The following XKR7 variants were observed in gnomAD, a reference collection of about 807,000 sequenced individuals.
XKR7 encodes XK related 7, also known as XK-related protein 7.
XKR7 carries 11 observed loss-of-function variants against 42.2 expected under a neutral mutation model. The observed-to-expected ratio is 0.26, with a 90% CI of 0.16 to 0.43. XKR7 has a LOEUF of 0.43. Among genes scored for constraint, XKR7 ranks in the 20% least tolerant of loss-of-function variants. XKR7 has a pLI of 1.00. For synonymous variants in XKR7, 346 were observed against 366.4 expected, an observed-to-expected ratio of 0.94 and a Z score of 0.64; for missense variants, 710 against 802.2, an observed-to-expected ratio of 0.89 and a Z score of 1.39.
chr20:31,994,358 C>G (rs913799882), intron 1 of XKR7, among the ~76,000 whole-genome samples: 1 of 152,162 alleles, frequency 6.6e-6, no homozygotes, highest in South Asian at 2.1e-4. Flanking sequence ...TCTACTGCTT[C>G]CTAGCTGTGT....
At chr20:31,992,628 C>G (rs2064574876) in intron 1 of XKR7, among the ~76,000 whole-genome samples, 1 of 152,180 alleles carries the variant, frequency 6.6e-6, no homozygotes, top group Admixed American at 6.5e-5. Context: ...GAACAGCCCC[C>G]TTACCCATCC....
rs73903698 is a variant in XKR7 at position 31,997,700 on chromosome 20, C to T, written c.*243C>T. ...TCCCCTGACCCAGGGCCTGGGGAATCATCTGGTGCTACACTTTTCGAGCTG... is the reference window on the plus strand; with the variant it reads ...TCCCCTGACCCAGGGCCTGGGGAATTATCTGGTGCTACACTTTTCGAGCTG... On this transcript the variant is annotated 3_prime_UTR_variant, in exon 3 of 3. Coordinates refer to ENST00000562532, the MANE Select transcript of XKR7 (RefSeq NM_001011718.2). The T allele has an allele frequency of 9.3e-3, 4,994 of 534,786 alleles. 185 individuals carry two copies. The highest frequency in any genetic ancestry group is 0.083 in the African/African-American group (4,407 of 52,900). The allele number at this position is 534,786 out of a possible 1,614,324, so 33.1% of individuals were successfully genotyped here.
intron 1 of XKR7, among the ~76,000 whole-genome samples, chr20:31,981,129 G>A (rs539055981): frequency 1.3e-5 from 2 of 151,052 alleles, no homozygotes; most frequent in East Asian, 2.0e-4. Context: ...ACTTTGGGAG[G>A]CACAGGGAGG....
chr20:31,997,316 G>C lies in XKR7; in HGVS notation c.1599G>C (p.Pro533=), dbSNP rs774199926. 1 of 1,610,738 alleles carries C rather than the reference G, an allele frequency of 6.2e-7. No individual in the cohort carries two copies. Among genetic ancestry groups the C allele is most frequent in the Non-Finnish European group, 8.5e-7 (1 of 1,180,004 alleles). Residue 533 remains proline (P), a synonymous_variant, in exon 3 of 3, where the codon CCG becomes CCC. Coordinates refer to ENST00000562532, the MANE Select transcript of XKR7 (RefSeq NM_001011718.2). ...TTGACTTGCCTCGCAAGAAGTACCC[G>C]GCCTGGGATGCTCATTTTATTGACC... ...IRIDLPRKKY[P]AWDAHFIDRR... is the part of the protein sequence containing the mutation.
intron 1 of XKR7, among the ~76,000 whole-genome samples, chr20:31,994,074 G>T (rs2064580876): frequency 6.6e-6 from 1 of 152,144 alleles, no homozygotes; most frequent in South Asian, 2.1e-4. Context: ...AGTTTCAGAT[G>T]CCAAGGAAAA....
intron 1 of XKR7, among the ~76,000 whole-genome samples, chr20:31,973,068 G>A (rs928649592): frequency 2.0e-5 from 3 of 152,204 alleles, no homozygotes; most frequent in African/African-American, 4.8e-5. Context: ...GTACCCACCC[G>A]CCTCTTAGGT....
At chr20:31,996,451 C>CAA in intron 2 of XKR7, 54 bp from the exon 3 acceptor site, 1 of 775,992 alleles carries the variant, frequency 1.3e-6, no homozygotes, top group Non-Finnish European at 1.8e-6. Context: ...CCCCAGACCC[C>CAA]AACCCGAGCC....
intron 1 of XKR7, among the ~76,000 whole-genome samples, chr20:31,988,099 G>T (rs1410594109): frequency 1.3e-5 from 2 of 152,214 alleles, no homozygotes; most frequent in African/African-American, 2.4e-5. Context: ...CTTGGGCCCA[G>T]GTTTGACTGT....
At chr20:31,981,948 A>T (rs1600658427) in intron 1 of XKR7, among the ~76,000 whole-genome samples, 3 of 151,822 alleles carry the variant, frequency 2.0e-5, no homozygotes, top group Non-Finnish European at 4.4e-5. Context: ...CTCAGTAGTC[A>T]CCTCCTCTAG....
chr20:31,986,861 T>C (rs1453452040), intron 1 of XKR7, among the ~76,000 whole-genome samples: 98 of 87,402 alleles, frequency 1.1e-3, no homozygotes, highest in African/African-American at 1.7e-3. Context: ...ACCAAACAGA[T>C]CCAGTATCCA....
rs975571233 is a variant in XKR7, at chr20:32,000,498, G to C, written c.*3041G>C. 6.6e-6 allele frequency: 1 copy of C among 152,358 alleles called. No homozygotes were observed. The highest frequency in any genetic ancestry group is 1.9e-4 in the East Asian group (1 of 5,198). The allele number at this position is 152,358 out of a possible 1,614,324, so 9.4% of individuals were successfully genotyped here. A position where few individuals can be genotyped will look rare whatever the true frequency, so the allele number is the denominator to read the frequency against. On this transcript the variant is annotated 3_prime_UTR_variant, in exon 3 of 3. Transcript: ENST00000562532. ...ACATCCATTAGACAGGAGAAAGTGA[G>C]ACCCAGAGAGGACCAAGGACTCACC... is the stretch of plus-strand genomic sequence containing the variant.
rs1365211252 is a variant in XKR7, at chr20:31,995,507, T to A, written c.787+237T>A. On this transcript the variant is annotated intron_variant, in intron 2 of 2. Coordinates refer to ENST00000562532, the MANE Select transcript of XKR7 (RefSeq NM_001011718.2). The surrounding 1 kb of genome is among the most constrained non-coding windows in gnomAD (Gnocchi z 4.1). ...GTGAGGAGGGACCTGGCCCCTCCAC[T>A]CCCTCGACACCCATCAGCCCCCCTG... 6.6e-6 allele frequency among the ~76,000 whole-genome samples: 1 copy of A among 151,692 alleles called. No homozygotes were observed. The highest frequency in any genetic ancestry group is 1.9e-4 in the East Asian group (1 of 5,142).
intron 2 of XKR7, 43 bp from the exon 3 acceptor site, chr20:31,996,462 C>T (rs191662875): frequency 9.4e-6 from 4 of 426,806 alleles, no homozygotes; most frequent in African/African-American, 2.1e-5. Flanking sequence ...AACCCGAGCC[C>T]GCCCCTAACC....
intron 1 of XKR7, among the ~76,000 whole-genome samples, chr20:31,988,180 G>A (rs2064551717): frequency 6.6e-6 from 1 of 152,198 alleles, no homozygotes; most frequent in Non-Finnish European, 1.5e-5. Context: ...CAGGAACGAA[G>A]AACAGGAGAG....
chr20:31,977,710 A>G (rs1056357962), intron 1 of XKR7, among the ~76,000 whole-genome samples: 1 of 152,174 alleles, frequency 6.6e-6, no homozygotes, highest in African/African-American at 2.4e-5. Context: ...CTATCGAGGA[A>G]GGAGAGTTGT....
Position 32,002,358 on chromosome 20 carries a change from A to T in XKR7, c.*4901A>T, listed in dbSNP as rs1307553099. 6.6e-6 allele frequency: 1 copy of T among 152,080 alleles called. No homozygotes were observed. Among genetic ancestry groups the T allele is most frequent in the Non-Finnish European group, 1.5e-5 (1 of 68,028 alleles). 9.4% of individuals were successfully genotyped at this position (152,080 alleles called of 1,614,324 possible). A position where few individuals can be genotyped will look rare whatever the true frequency, so the allele number is the denominator to read the frequency against. On this transcript the variant is annotated 3_prime_UTR_variant, in exon 3 of 3. Transcript: ENST00000562532. ...GGCACCTGCAATAATCTCAGAATGG[A>T]GGGTATCCTGGGACAAAGAGGGGGT...
At chr20:31,979,082 C>CCTCA (rs1568882294) in intron 1 of XKR7, among the ~76,000 whole-genome samples, 1 of 151,286 alleles carries the variant, frequency 6.6e-6, no homozygotes, top group African/African-American at 2.4e-5. Context: ...TTGCAGTGAG[C>CCTCA]TGAGATCACA....
intron 1 of XKR7, among the ~76,000 whole-genome samples, chr20:31,974,330 G>T (rs979769679): frequency 6.6e-6 from 1 of 152,170 alleles, no homozygotes; most frequent in Admixed American, 6.5e-5. Context: ...AGGGATGGGG[G>T]TCTGCTTCAG....
In XKR7 at chr20:31,999,896, T is replaced by C. The variant is rs2122288730; in HGVS notation, c.*2439T>C. On this transcript the variant is annotated 3_prime_UTR_variant, in exon 3 of 3. Coordinates refer to ENST00000562532, the MANE Select transcript of XKR7 (RefSeq NM_001011718.2). ...AGGAAAAGTCCTAGCTGGGGTCCTT[T>C]ACACTCCAGGAGACTCCCAAGGGGC... is the stretch of plus-strand genomic sequence containing the variant. 1 of 152,356 alleles carries C rather than the reference T, an allele frequency of 6.6e-6. No homozygotes were observed. The allele number at this position is 152,356 out of a possible 1,614,324, so 9.4% of individuals were successfully genotyped here. A position where few individuals can be genotyped will look rare whatever the true frequency, so the allele number is the denominator to read the frequency against.
Sources: gnomAD v4.1 joint callset for allele counts (sites outside exome capture counted in the v4.1 genomes callset) on GRCh38, gnomAD v4.1.1 for gene constraint, Gnocchi (gnomAD v3.1) non-coding constraint, MANE v1.5 for transcripts, NCBI Gene and HGNC (gene_info 2026-07-23, HGNC 2026-07-21) for gene names.